Variants in NMBR observed in about 807,000 individuals in gnomAD.
NMBR encodes the protein neuromedin-B receptor.
In NMBR, 16 loss-of-function variants were observed where a neutral mutation model predicts 20.5. The observed-to-expected ratio is 0.78, with a 90% CI of 0.53 to 1.19. The LOEUF (loss-of-function observed/expected upper bound fraction) is 1.19. NMBR is among the 50% of genes most tolerant of loss of function. The pLI, the probability that NMBR is intolerant of heterozygous loss-of-function variation, is 0.00. For missense variants in NMBR, 582 were observed against 499.1 expected, an observed-to-expected ratio of 1.17 and a Z score of -1.58; for synonymous variants, 212 against 196.6, an observed-to-expected ratio of 1.08 and a Z score of -0.65.
chr6:142,084,078 G>A (rs186504017), intron 2 of NMBR, among the ~76,000 whole-genome samples: 7 of 152,244 alleles, frequency 4.6e-5, no homozygotes, highest in Admixed American at 4.6e-4. Flanking sequence ...CTGAGCTTCA[G>A]TCAGGAGTTT....
intron 1 of NMBR, among the ~76,000 whole-genome samples, chr6:142,119,225 T>C (rs1342506938): frequency 6.6e-6 from 1 of 151,982 alleles, no homozygotes; most frequent in East Asian, 1.9e-4. Flanking sequence ...AGTTGTACAC[T>C]GTCAGCAGCC....
rs1433619510 is a variant in NMBR, at chr6:142,089,068, G to C, written c.-410C>G. 1 of 166,716 alleles carries C rather than the reference G, an allele frequency of 6.0e-6. No homozygotes were observed. The highest frequency in any genetic ancestry group is 2.4e-5 in the African/African-American group (1 of 41,712). 10.3% of individuals were successfully genotyped at this position (166,716 alleles called of 1,614,324 possible). A position where few individuals can be genotyped will look rare whatever the true frequency, so the allele number is the denominator to read the frequency against. On this transcript the variant is annotated 5_prime_UTR_variant, in exon 2 of 4. Coordinates refer to ENST00000258042, the MANE Select transcript of NMBR (RefSeq NM_002511.4). ...GCCCAGAGAAGCAGAAGTCATCCTG[G>C]CGCTGTCCAGCGGGCCGCAGCTGAA...
At chr6:142,128,685 G>T (rs989429949) in intron 1 of NMBR, among the ~76,000 whole-genome samples, 2 of 152,004 alleles carry the variant, frequency 1.3e-5, no homozygotes, top group African/African-American at 4.8e-5. Context: ...GATTTGCAAT[G>T]TATTAAGCAA....
rs372711016 is a variant in NMBR at position 142,088,531 on chromosome 6, C to A, written c.128G>T (p.Arg43Leu). ...CAGGTAGAGGGACGGGATCACACAGCGGATCACCAACTCCGTGGTGGTCCC... is the reference window on the plus strand; with the variant it reads ...CAGGTAGAGGGACGGGATCACACAGAGGATCACCAACTCCGTGGTGGTCCC... ...SDGTTTELVI[R>L]CVIPSLYLLI... Residue 43 changes from arginine to leucine, a missense_variant, in exon 2 of 4, where the codon CGC becomes CTC. Physicochemically the swap from Arg to Leu is moderately radical, Grantham distance 102. Coordinates refer to ENST00000258042, the MANE Select transcript of NMBR (RefSeq NM_002511.4). 3.1e-6 allele frequency: 5 copies of A among 1,614,028 alleles called. No homozygotes were observed. In the South Asian group the frequency reaches 3.3e-5, roughly 11 times the overall value.
chr6:142,091,114 A>AATTTTAT (rs1777314260), intron 1 of NMBR, among the ~76,000 whole-genome samples: 1 of 152,218 alleles, frequency 6.6e-6, no homozygotes, highest in Non-Finnish European at 1.5e-5. Flanking sequence ...TAAAGTTATA[A>AATTTTAT]TAATGTGTTA....
intron 1 of NMBR, among the ~76,000 whole-genome samples, chr6:142,137,958 G>A (rs1462513920): frequency 2.6e-5 from 4 of 151,698 alleles, no homozygotes; most frequent in Non-Finnish European, 1.5e-5. Flanking sequence ...ATTGCGCATG[G>A]GATCCTTGTT....
rs569584242 is a variant in NMBR at position 142,126,794 on chromosome 6, T to A, written c.-664+20250A>T. Among the ~76,000 whole-genome samples the A allele has an allele frequency of 2.8e-5, 4 of 142,224 alleles. No homozygotes were observed. In the East Asian group the frequency reaches 8.7e-4, roughly 31 times the overall value. The allele number at this position is 142,224 out of a possible 152,430, so 93.3% of individuals were successfully genotyped here. A position where few individuals can be genotyped will look rare whatever the true frequency, so the allele number is the denominator to read the frequency against. On this transcript the variant is annotated intron_variant, in intron 1 of 3. Coordinates refer to ENST00000258042, the MANE Select transcript of NMBR (RefSeq NM_002511.4). Reference sequence around the variant, plus strand: ...TTTTTTTTTTTTTGCTGTTGAGTTGTATGAGTTCTTCATATATTTTGGATA... The same window carrying A: ...TTTTTTTTTTTTTGCTGTTGAGTTGAATGAGTTCTTCATATATTTTGGATA...
intron 2 of NMBR, among the ~76,000 whole-genome samples, chr6:142,081,905 T>A (rs1310091894): frequency 6.6e-6 from 1 of 152,144 alleles, no homozygotes; most frequent in African/African-American, 2.4e-5. Context: ...AAAAGGCATA[T>A]AAAGAGAAAA....
chr6:142,093,376 C>G (rs1777374585), intron 1 of NMBR, among the ~76,000 whole-genome samples: 1 of 141,092 alleles, frequency 7.1e-6, no homozygotes, highest in Non-Finnish European at 1.5e-5. Flanking sequence ...TTGTTCAATT[C>G]CCACCTATGA....
chr6:142,140,023 A>G (rs927359990), intron 1 of NMBR, among the ~76,000 whole-genome samples: 3 of 152,214 alleles, frequency 2.0e-5, no homozygotes, highest in African/African-American at 7.2e-5. Context: ...GGGATGCTAC[A>G]TATTAAAACC....
At chr6:142,094,429 T>G (rs1204886543) in intron 1 of NMBR, among the ~76,000 whole-genome samples, 6 of 152,204 alleles carry the variant, frequency 3.9e-5, no homozygotes, top group Non-Finnish European at 1.5e-5. Context: ...ATTTCTTGTT[T>G]TTGTCAGGTT....
At chr6:142,137,478 AC>A (rs1477411768) in intron 1 of NMBR, among the ~76,000 whole-genome samples, 2 of 152,080 alleles carry the variant, frequency 1.3e-5, no homozygotes, top group African/African-American at 4.8e-5. Flanking sequence ...CTAATTGAAT[AC>A]CCTTTATTTC....
Position 142,137,526 on chromosome 6 carries a change from C to G in NMBR, c.-664+9518G>C, listed in dbSNP as rs1352270473. Among the ~76,000 whole-genome samples the G allele has an allele frequency of 3.3e-5, 5 of 152,146 alleles. 1 individual carries two copies. Among genetic ancestry groups the G allele is most frequent in the Admixed American group, 3.3e-4 (5 of 15,272 alleles). ...TAATTGCCCTGGCCGGAACTTCCAA[C>G]ACTATGTTGAATAGGAGTGGTGAGA... On this transcript the variant is annotated intron_variant, in intron 1 of 3. Transcript: ENST00000258042.
At chr6:142,079,664 T>A (rs1438379398) in intron 2 of NMBR, among the ~76,000 whole-genome samples, 1 of 152,166 alleles carries the variant, frequency 6.6e-6, no homozygotes, top group East Asian at 1.9e-4. Context: ...TCATACTACA[T>A]TTTGACAAAA....
chr6:142,118,654 T>C (rs1777893539), intron 1 of NMBR, among the ~76,000 whole-genome samples: 1 of 152,008 alleles, frequency 6.6e-6, no homozygotes, highest in African/African-American at 2.4e-5. Context: ...TCTTTCAGAT[T>C]AAAAATAGAA....
intron 3 of NMBR, 80 bp from the exon 4 acceptor site, chr6:142,076,129 G>T: frequency 8.1e-7 from 1 of 1,239,482 alleles, no homozygotes; most frequent in African/African-American, 1.5e-5. Context: ...AGTCAGGAAA[G>T]AGCAAAATTT....
intron 1 of NMBR, among the ~76,000 whole-genome samples, chr6:142,123,859 C>T (rs550874096): frequency 4.6e-5 from 7 of 151,954 alleles, no homozygotes; most frequent in East Asian, 3.9e-4. Flanking sequence ...CGTAGTTTGC[C>T]GAACCCCTTC....
At position 142,134,068 on chromosome 6, in the gene NMBR, A is replaced by G. The variant is rs916938975; in HGVS notation, c.-664+12976T>C. Reference sequence around the variant, plus strand: ...CTGTGTGCACATAAACATTAACTCTACAACAAACTCATTTTCTCTTTAAAT... The same window carrying G: ...CTGTGTGCACATAAACATTAACTCTGCAACAAACTCATTTTCTCTTTAAAT... On this transcript the variant is annotated intron_variant, in intron 1 of 3. Coordinates refer to ENST00000258042, the MANE Select transcript of NMBR (RefSeq NM_002511.4). The G allele has an allele frequency of 1.0e-5, 6 of 600,458 alleles. No homozygotes were observed. The African/African-American group carries it at 1.1e-4, about 11-fold the overall frequency. 37.2% of individuals were successfully genotyped at this position (600,458 alleles called of 1,614,324 possible). A position where few individuals can be genotyped will look rare whatever the true frequency, so the allele number is the denominator to read the frequency against.
chr6:142,089,878 T>A (rs1454466928), intron 1 of NMBR, among the ~76,000 whole-genome samples: 3 of 152,182 alleles, frequency 2.0e-5, no homozygotes, highest in Non-Finnish European at 4.4e-5. Context: ...TTTGAATAAA[T>A]CCCAGGTGTG....
Sources: allele counts gnomAD v4.1 joint callset (sites outside exome capture counted in the v4.1 genomes callset), GRCh38; gene constraint gnomAD v4.1.1; transcripts MANE v1.5; gene names NCBI Gene and HGNC (gene_info 2026-07-23, HGNC 2026-07-21).